The following POTEH variants were observed in gnomAD, a reference collection of about 807,000 sequenced individuals.
The protein encoded by POTEH is ANKRD26-like family C member 3.
A neutral mutation model predicts 41.7 loss-of-function variants in POTEH; 6 were observed. The observed-to-expected ratio is 0.14, with a 90% CI of 0.08 to 0.28. The LOEUF is 0.28. Among genes scored for constraint, POTEH ranks in the 10% least tolerant of loss-of-function variants. The probability of loss-of-function intolerance (pLI) is 1.00; values close to 1 mark genes in which losing one functional copy is unlikely to be tolerated. For synonymous variants in POTEH, 38 were observed against 179.9 expected (o/e 0.21, Z 6.31); for missense variants, 115 against 533.5 (o/e 0.22, Z 7.73).
chr22:15,692,871 G>A (rs1989359441), intron 1 of POTEH, among the ~76,000 whole-genome samples: 1 of 128,372 alleles, frequency 7.8e-6, no homozygotes, highest in South Asian at 2.3e-4. Flanking sequence ...AGGCACTTTA[G>A]TGGTAAGAAC....
At chr22:15,712,645 C>T (rs1468461402) in intron 9 of POTEH, among the ~76,000 whole-genome samples, 4 of 61,302 alleles carry the variant, frequency 6.5e-5, no homozygotes, top group Non-Finnish European at 1.2e-4. Flanking sequence ...GAGTATTCAC[C>T]TCACCATATT....
At chr22:15,699,142 C>A (rs200129806) in intron 4 of POTEH, among the ~76,000 whole-genome samples, 15,867 of 100,090 alleles carry the variant, frequency 0.16, no homozygotes, top group East Asian at 0.24. Flanking sequence ...ACTAAATACG[C>A]TGTATTAACC....
At position 15,690,646 on chromosome 22, in the gene POTEH, C is replaced by G; in HGVS notation, c.569C>G (p.Pro190Arg). The G allele has an allele frequency of 1.4e-6, 2 of 1,422,038 alleles. No homozygotes were observed. Among genetic ancestry groups the G allele is most frequent in the Non-Finnish European group, 9.8e-7 (1 of 1,025,180 alleles). The allele number at this position is 1,422,038 out of a possible 1,614,324, so 88.1% of individuals were successfully genotyped here. A position where few individuals can be genotyped will look rare whatever the true frequency, so the allele number is the denominator to read the frequency against. ...AGAGCTGCCTGGTGGGGTAAAGTCC[C>G]CAGAAAGGATCTCATCGTCATGCTC... The part of the protein sequence containing the change: ...LHRAAWWGKV[P>R]RKDLIVMLKD... Residue 190 changes from proline to arginine, a missense_variant, in exon 1 of 11, where the codon CCC becomes CGC. Pro to Arg is a moderately radical substitution (Grantham distance 103). Coordinates refer to ENST00000343518, the MANE Select transcript of POTEH (RefSeq NM_001136213.1).
intron 1 of POTEH, among the ~76,000 whole-genome samples, chr22:15,692,009 A>ATATATAAATAAATAAAAC (rs1421248855): frequency 7.8e-6 from 1 of 128,586 alleles, no homozygotes; most frequent in Admixed American, 8.1e-5. Flanking sequence ...TATATATATA[A>ATATATAAATAAATAAAAC]ATTTCTTTTT....
chr22:15,713,746 C>A (rs2818567), intron 9 of POTEH, among the ~76,000 whole-genome samples: 470 of 147,092 alleles, frequency 3.2e-3, no homozygotes, highest in African/African-American at 0.012. Flanking sequence ...GTGATCTGCC[C>A]GCCTTGGCCT....
intron 1 of POTEH, among the ~76,000 whole-genome samples, chr22:15,691,905 G>A (rs1463354677): frequency 6.8e-6 from 1 of 147,070 alleles, no homozygotes; most frequent in Admixed American, 7.0e-5. Flanking sequence ...AAAAATCAGA[G>A]TATAGATTAA....
intron 1 of POTEH, among the ~76,000 whole-genome samples, chr22:15,691,384 G>C (rs1210365419): frequency 7.8e-6 from 1 of 127,476 alleles, no homozygotes; most frequent in Non-Finnish European, 1.8e-5. Flanking sequence ...AAATTAGCTG[G>C]ACGCGGTGGC....
rs1989286436 is a variant in POTEH at position 15,690,769 on chromosome 22, C to T, written c.632+60C>T. Reference sequence around the variant, plus strand: ...GGGAGGATGATGGGGACATACCCTCCTGGCCGGGGAGGAGGGGAGCCTGGT... The same window carrying T: ...GGGAGGATGATGGGGACATACCCTCTTGGCCGGGGAGGAGGGGAGCCTGGT... On this transcript the variant is annotated intron_variant, in intron 1 of 10. Transcript: ENST00000343518. The T allele has an allele frequency of 6.8e-5, 94 of 1,391,486 alleles. 16 individuals are homozygous for T. The South Asian group carries it at 1.1e-3, about 16-fold the overall frequency. The allele number at this position is 1,391,486 out of a possible 1,614,324, so 86.2% of individuals were successfully genotyped here. A position where few individuals can be genotyped will look rare whatever the true frequency, so the allele number is the denominator to read the frequency against.
intron 6 of POTEH, chr22:15,703,472 TG>T (rs1989601848): frequency 9.0e-6 from 1 of 111,540 alleles, no homozygotes; most frequent in Non-Finnish European, 1.8e-5. Context: ...AGAGATATAT[TG>T]ACTTTTTTGG....
In POTEH at chr22:15,710,426, G is replaced by C. The variant is rs1293011750; in HGVS notation, c.1354-442G>C. Among the ~76,000 whole-genome samples, 2 of 148,392 alleles carry C rather than the reference G, an allele frequency of 1.3e-5. 1 individual carries two copies. Among genetic ancestry groups the C allele is most frequent in the Non-Finnish European group, 3.0e-5 (2 of 67,612 alleles). ...TTCCATTCTATTCCTGAAGCCCCAT[G>C]GTGTCTCATCCTCTAAAATGACTGT... is the stretch of plus-strand genomic sequence containing the variant. On this transcript the variant is annotated intron_variant, in intron 8 of 10. Coordinates refer to ENST00000343518, the MANE Select transcript of POTEH (RefSeq NM_001136213.1).
intron 9 of POTEH, among the ~76,000 whole-genome samples, chr22:15,714,511 A>ATCTC (rs1989891622): frequency 6.6e-6 from 1 of 151,940 alleles, no homozygotes; most frequent in Admixed American, 6.5e-5. Flanking sequence ...TTCCTTACCT[A>ATCTC]TCTCTAGTGC....
At chr22:15,693,145 A>G (rs1188226197) in intron 1 of POTEH, among the ~76,000 whole-genome samples, 3 of 133,098 alleles carry the variant, frequency 2.3e-5, no homozygotes, top group Non-Finnish European at 3.4e-5. Flanking sequence ...TTTGTTACAC[A>G]TATACACGAA....
chr22:15,690,985 GATT>G (rs1989293110), intron 1 of POTEH, among the ~76,000 whole-genome samples: 1 of 134,002 alleles, frequency 7.5e-6, no homozygotes, highest in Non-Finnish European at 1.7e-5. Flanking sequence ...CGATGCAGCA[GATT>G]ATTTTTAATG....
At chr22:15,690,772 G>T (rs879178659) in intron 1 of POTEH, 63 bp downstream of exon 1, 1 of 1,390,924 alleles carries the variant, frequency 7.2e-7, no homozygotes, top group African/African-American at 1.5e-5. Context: ...TACCCTCCTG[G>T]CCGGGGAGGA....
chr22:15,720,971 C>CT (rs1358363759), intron 10 of POTEH, among the ~76,000 whole-genome samples: 7 of 143,098 alleles, frequency 4.9e-5, no homozygotes, highest in Non-Finnish European at 7.7e-5. Context: ...CAGAGAAAGG[C>CT]TTTTTTAATT....
At chr22:15,693,375 A>G (rs1389665651) in intron 1 of POTEH, among the ~76,000 whole-genome samples, 2 of 151,912 alleles carry the variant, frequency 1.3e-5, no homozygotes, top group South Asian at 4.2e-4. Flanking sequence ...ATTTATTTTT[A>G]TTTCTGTGGT....
Position 15,700,135 on chromosome 22 carries a change from T to C in POTEH, c.1086T>C (p.Leu362=), listed in dbSNP as rs1275252361. The C allele has an allele frequency of 6.2e-7, 1 of 1,604,398 alleles. No homozygotes were observed. Among genetic ancestry groups the C allele is most frequent in the Non-Finnish European group, 8.5e-7 (1 of 1,176,374 alleles). ...CGGCAAGTATAGTCAGCCTTCTACT[T>C]GAGCAAAACATTGATGTATCTTCTC... The part of the protein sequence containing the change: ...CGSASIVSLL[L]EQNIDVSSQD... The change falls in exon 5 of 11, where the codon CTT becomes CTC. Residue 362 remains leucine, a synonymous_variant. Coordinates refer to ENST00000343518, the MANE Select transcript of POTEH (RefSeq NM_001136213.1).
At chr22:15,691,317 A>T (rs1319691169) in intron 1 of POTEH, among the ~76,000 whole-genome samples, 3 of 134,688 alleles carry the variant, frequency 2.2e-5, no homozygotes, top group African/African-American at 7.9e-5. Flanking sequence ...GGGTCAGGAG[A>T]TCGAGACCAT....
intron 8 of POTEH, 87 bp from the exon 9 acceptor site, chr22:15,710,780 TA>T (rs1269040702): frequency 1.9e-6 from 3 of 1,583,790 alleles, no homozygotes; most frequent in Non-Finnish European, 2.6e-6. Context: ...AAAATAATGA[TA>T]AACTGGTCAA....
Sources: gnomAD v4.1 joint callset for allele counts (sites outside exome capture counted in the v4.1 genomes callset) on GRCh38, gnomAD v4.1.1 for gene constraint, MANE v1.5 for transcripts, NCBI Gene and HGNC (gene_info 2026-07-23, HGNC 2026-07-21) for gene names.